The following AVPI1 variants were observed in gnomAD, a reference collection of about 807,000 sequenced individuals.
AVPI1 encodes the protein arginine vasopressin-induced protein 1.
AVPI1 carries 9 observed loss-of-function variants against 11.9 expected under a neutral mutation model. The observed-to-expected ratio is 0.76, with a 90% CI of 0.46 to 1.32. AVPI1 has a LOEUF of 1.32. AVPI1 is among the 40% of genes most tolerant of loss of function. AVPI1 has a pLI of 0.00. For missense variants in AVPI1, 207 were observed against 195.8 expected, an observed-to-expected ratio of 1.06 and a Z score of -0.34; for synonymous variants, 68 against 78.1, an observed-to-expected ratio of 0.87 and a Z score of 0.68.
chr10:97,684,677 T>G, intron 1 of AVPI1, among the ~76,000 whole-genome samples: 1 of 151,670 alleles, frequency 6.6e-6, no homozygotes, highest in Non-Finnish European at 1.5e-5. Context: ...TTTTTGTATT[T>G]TTAGTAGAGA....
At chr10:97,679,116 A>G (rs2135769761) in intron 2 of AVPI1, among the ~76,000 whole-genome samples, 1 of 143,138 alleles carries the variant, frequency 7.0e-6, no homozygotes, top group Middle Eastern at 3.6e-3. Context: ...ACAGGGTTGT[A>G]TATGACTCCA....
In AVPI1 at chr10:97,679,670, G is replaced by T; in HGVS notation, c.236C>A (p.Pro79His). ...GTGGCCCAGGGGTTTCTGCCTTGGG[G>T]GCCTCTTCCTGCGCAGCCTCTTGAG... is the stretch of plus-strand genomic sequence containing the variant. ...EALKRLRRKR[P>H]PRQKPLGHSL... Residue 79 changes from proline (P) to histidine (H), a missense_variant, in exon 2 of 3, where the codon CCC becomes CAC. Physicochemically the swap from Pro to His is moderately conservative, Grantham distance 77. Transcript: ENST00000370626. 1 of 1,614,002 alleles carries T rather than the reference G, an allele frequency of 6.2e-7. No homozygotes were observed. The highest frequency in any genetic ancestry group is 8.5e-7 in the Non-Finnish European group (1 of 1,179,968).
intron 1 of AVPI1, among the ~76,000 whole-genome samples, chr10:97,680,600 C>T (rs142113869): frequency 2.6e-5 from 4 of 152,254 alleles, no homozygotes; most frequent in South Asian, 2.1e-4. Context: ...AGCTGCCTCC[C>T]GTGTCAAATT....
intron 2 of AVPI1, 66 bp downstream of exon 2, chr10:97,679,553 A>G (rs1170724575): frequency 3.3e-6 from 5 of 1,495,064 alleles, no homozygotes; most frequent in South Asian, 1.3e-5. Context: ...TCCAGGCCAC[A>G]CAGCCATGCA....
intron 1 of AVPI1, among the ~76,000 whole-genome samples, chr10:97,682,104 C>A (rs1169416001): frequency 6.6e-6 from 1 of 152,186 alleles, no homozygotes; most frequent in Non-Finnish European, 1.5e-5. Flanking sequence ...CACGGAGGAG[C>A]CTGGAACCAC....
intron 2 of AVPI1, among the ~76,000 whole-genome samples, chr10:97,678,721 C>T (rs1303406226): frequency 1.3e-5 from 2 of 151,682 alleles, no homozygotes; most frequent in Middle Eastern, 3.4e-3. Flanking sequence ...CTCTGTCACT[C>T]AGGTCACTCA....
chr10:97,686,292 C>G (rs182064932), intron 1 of AVPI1, among the ~76,000 whole-genome samples: 135 of 152,224 alleles, frequency 8.9e-4, no homozygotes, highest in Middle Eastern at 3.4e-3. Flanking sequence ...CTACCAGGGG[C>G]TATAGAATCA....
chr10:97,679,194 G>A (rs1182387552), intron 2 of AVPI1, among the ~76,000 whole-genome samples: 1 of 149,232 alleles, frequency 6.7e-6, no homozygotes, highest in African/African-American at 2.5e-5. Context: ...AGGCTGGCTG[G>A]AGTGCGGTGG....
chr10:97,683,307 C>T (rs1388160468), intron 1 of AVPI1, among the ~76,000 whole-genome samples: 1 of 152,056 alleles, frequency 6.6e-6, no homozygotes, highest in African/African-American at 2.4e-5. Flanking sequence ...ACAGGCGTCC[C>T]CCACCACTCC....
Position 97,677,768 on chromosome 10 carries a change from AT to A in AVPI1, c.*100del. 6.9e-7 allele frequency: 1 copy of A among 1,446,440 alleles called. No individual in the cohort carries two copies. Among genetic ancestry groups the A allele is most frequent in the Admixed American group, 2.0e-5 (1 of 49,636 alleles). 89.6% of individuals were successfully genotyped at this position (1,446,440 alleles called of 1,614,324 possible). A position where few individuals can be genotyped will look rare whatever the true frequency, so the allele number is the denominator to read the frequency against. On this transcript the variant is annotated 3_prime_UTR_variant, in exon 3 of 3. Coordinates refer to ENST00000370626, the MANE Select transcript of AVPI1 (RefSeq NM_021732.3). ...TCAGTGGCAGCAGCCTCTTGCTTTC[AT>A]TTACCCCTTTGGGCTGCTTGCCTAA...
rs771457766 is a variant in AVPI1, at chr10:97,677,862, C to G, written c.*7G>C. The G allele has an allele frequency of 1.2e-6, 2 of 1,613,812 alleles. No homozygotes were observed. Among genetic ancestry groups the G allele is most frequent in the Admixed American group, 1.7e-5 (1 of 59,992 alleles). ...AAGACACTGCCATTCCTGGCTCTTT[C>G]CCTGGATCAGTGTCTGATCTGGTGG... On this transcript the variant is annotated 3_prime_UTR_variant, in exon 3 of 3. Coordinates refer to ENST00000370626, the MANE Select transcript of AVPI1 (RefSeq NM_021732.3).
rs115079147 is a variant in AVPI1 at position 97,683,517 on chromosome 10, C to A, written c.-11+3249G>T. Among the ~76,000 whole-genome samples, 436 of 152,358 alleles carry A rather than the reference C, an allele frequency of 2.9e-3. 3 individuals are homozygous for A. Among genetic ancestry groups the A allele is most frequent in the African/African-American group, 0.01 (417 of 41,582 alleles). On this transcript the variant is annotated intron_variant, in intron 1 of 2. Transcript: ENST00000370626. ...CAGCCAGGCAGCTTAAAGAACACTT[C>A]ACATTTCTATGAAGAATGCTTTCCT...
intron 2 of AVPI1, 45 bp from the exon 3 acceptor site, chr10:97,678,070 T>G (rs770928307): frequency 2.5e-6 from 4 of 1,577,724 alleles, no homozygotes; most frequent in Non-Finnish European, 3.5e-6. Context: ...ATAGGAAGAA[T>G]GGAATGGGGA....
chr10:97,682,936 C>G (rs2041711832), intron 1 of AVPI1, among the ~76,000 whole-genome samples: 1 of 152,196 alleles, frequency 6.6e-6, no homozygotes, highest in Non-Finnish European at 1.5e-5. Context: ...ACAACAGTCG[C>G]CAAGTAACAC....
Position 97,678,922 on chromosome 10 carries a change from TGTGTGTGTGTGTGTGTGTGTGTGTG to T in AVPI1, c.287+672_287+696del, listed in dbSNP as rs2041683787. Among the ~76,000 whole-genome samples the T allele has an allele frequency of 4.6e-4, 8 of 17,278 alleles. 1 individual carries two copies. The highest frequency in any genetic ancestry group is 2.0e-3 in the East Asian group (2 of 978). The allele number at this position is 17,278 out of a possible 152,430, so 11.3% of individuals were successfully genotyped here. On this transcript the variant is annotated intron_variant, in intron 2 of 2. Coordinates refer to ENST00000370626, the MANE Select transcript of AVPI1 (RefSeq NM_021732.3). Reference sequence around the variant, plus strand: ...GTGTGTGTGTGTGTGTGTGTGTGTGTGTGTGTGTGTGTGTGTGTGTGTGTGTGTGTGTGTGTGTGTGTGTGTGTGT... The same window carrying T: ...GTGTGTGTGTGTGTGTGTGTGTGTGTTGTGTGTGTGTGTGTGTGTGTGTGT...
At position 97,677,930 on chromosome 10, in the gene AVPI1, C is replaced by G; in HGVS notation, c.383G>C (p.Arg128Thr). Residue 128 changes from arginine (R) to threonine (T), a missense_variant, in exon 3 of 3, where the codon AGG (arginine) becomes ACG (threonine). Coordinates refer to ENST00000370626, the MANE Select transcript of AVPI1 (RefSeq NM_021732.3). ...TGACTTCCTCCAGTTCCGGCGGATC[C>G]TGGCACTTTTCTTCCTAGAGTGCAG... is the stretch of plus-strand genomic sequence containing the variant. The part of the protein sequence containing the change: ...QYLHSRKKSA[R>T]IRRNWRKSGP... The G allele has an allele frequency of 6.2e-7, 1 of 1,614,144 alleles. No individual in the cohort carries two copies. The highest frequency in any genetic ancestry group is 8.5e-7 in the Non-Finnish European group (1 of 1,180,016).
chr10:97,681,854 C>T (rs1317084741), intron 1 of AVPI1, among the ~76,000 whole-genome samples: 1 of 140,076 alleles, frequency 7.1e-6, no homozygotes, highest in Non-Finnish European at 1.5e-5. Flanking sequence ...GTCCGCAGTC[C>T]GGCCTGGGCG....
In AVPI1 at chr10:97,677,809, C is replaced by G. The variant is rs2041673445; in HGVS notation, c.*60G>C. 1 of 1,592,876 alleles carries G rather than the reference C, an allele frequency of 6.3e-7. No homozygotes were observed. The highest frequency in any genetic ancestry group is 8.6e-7 in the Non-Finnish European group (1 of 1,167,604). ...TGCTTGCCTAAAGTCTCTCTTCCTT[C>G]ACCTCCCCAGGCCTTTTGGCAAGAG... On this transcript the variant is annotated 3_prime_UTR_variant, in exon 3 of 3. Coordinates refer to ENST00000370626, the MANE Select transcript of AVPI1 (RefSeq NM_021732.3).
At chr10:97,678,666 C>T (rs555526153) in intron 2 of AVPI1, among the ~76,000 whole-genome samples, 49 of 142,594 alleles carry the variant, frequency 3.4e-4, no homozygotes, top group African/African-American at 1.3e-3. Flanking sequence ...ATCCCCCAGC[C>T]AAGATTTTAA....
Sources: gnomAD v4.1 joint callset for allele counts (sites outside exome capture counted in the v4.1 genomes callset) on GRCh38, gnomAD v4.1.1 for gene constraint, MANE v1.5 for transcripts, NCBI Gene and HGNC (gene_info 2026-07-23, HGNC 2026-07-21) for gene names.